Variants in NLK observed in about 807,000 individuals in gnomAD.
The protein encoded by NLK is nemo like kinase.
NLK carries 11 observed loss-of-function variants against 59.0 expected under a neutral mutation model. The observed-to-expected ratio is 0.19, with a 90% CI of 0.12 to 0.31. The LOEUF is 0.31. NLK is among the 10% of genes least tolerant of loss of function. The pLI is 1.00. For synonymous variants in NLK, 235 were observed against 235.9 expected, an observed-to-expected ratio of 1.00 and a Z score of 0.03; for missense variants, 410 against 661.1, an observed-to-expected ratio of 0.62 and a Z score of 4.16.
rs114468971 is a variant in NLK, at chr17:28,189,899, C to T, written c.1237-1122C>T. 1.3e-3 allele frequency among the ~76,000 whole-genome samples: 194 copies of T among 152,302 alleles called. 2 individuals are homozygous for T. Among genetic ancestry groups the T allele is most frequent in the African/African-American group, 4.3e-3 (178 of 41,550 alleles). On this transcript the variant is annotated intron_variant, in intron 8 of 10. Coordinates refer to ENST00000407008, the MANE Select transcript of NLK (RefSeq NM_016231.5). ...TGCCTGTTCCTGGTAGATAAACACC[C>T]GCTTTCTTCTGTGATTATCTTATCT...
At chr17:28,151,559 C>T (rs1907480018) in intron 3 of NLK, among the ~76,000 whole-genome samples, 1 of 152,078 alleles carries the variant, frequency 6.6e-6, no homozygotes, top group Non-Finnish European at 1.5e-5. Context: ...TTAAAATTTT[C>T]CAGTCTTTTA....
intron 1 of NLK, among the ~76,000 whole-genome samples, chr17:28,093,026 C>T (rs2142780263): frequency 6.6e-6 from 1 of 152,178 alleles, no homozygotes; most frequent in Non-Finnish European, 1.5e-5. Flanking sequence ...ATCTCCTGAC[C>T]TCCTGATCCA....
chr17:28,188,980 GACACACACAC>G (rs57423093), intron 8 of NLK, among the ~76,000 whole-genome samples: 5 of 142,536 alleles, frequency 3.5e-5, no homozygotes, highest in African/African-American at 7.7e-5. Context: ...GACAAACACA[GACACACACAC>G]ACACACACAC....
intron 1 of NLK, among the ~76,000 whole-genome samples, chr17:28,122,118 C>A (rs1225062284): frequency 6.6e-6 from 1 of 152,120 alleles, no homozygotes; most frequent in Non-Finnish European, 1.5e-5. Flanking sequence ...ATATTGAAGT[C>A]CATATTACTA....
intron 1 of NLK, among the ~76,000 whole-genome samples, chr17:28,050,469 G>A (rs1909211496): frequency 6.6e-6 from 1 of 152,196 alleles, no homozygotes; most frequent in African/African-American, 2.4e-5. Context: ...TAGCATATCT[G>A]TGGTATTAAG....
At chr17:28,137,506 GACAA>G (rs1381095802) in intron 3 of NLK, among the ~76,000 whole-genome samples, 2 of 152,008 alleles carry the variant, frequency 1.3e-5, no homozygotes, top group Non-Finnish European at 2.9e-5. Context: ...AGTTTTAATA[GACAA>G]ACATTTTAAA....
At chr17:28,106,533 C>G (rs1162924243) in intron 1 of NLK, among the ~76,000 whole-genome samples, 1 of 152,062 alleles carries the variant, frequency 6.6e-6, no homozygotes, top group Non-Finnish European at 1.5e-5. Flanking sequence ...TTCAAATAAA[C>G]AAAAATTTAA....
At chr17:28,199,979 T>C (rs73271124), downstream of NLK, among the ~76,000 whole-genome samples, 3,374 of 152,184 alleles carry the variant, frequency 0.022, 111 homozygotes, top group African/African-American at 0.078. Context: ...GAGAGCTGAA[T>C]TGAGGATAAA....
chr17:28,193,697 T>C (rs1019498874), intron 10 of NLK, among the ~76,000 whole-genome samples: 1 of 152,204 alleles, frequency 6.6e-6, no homozygotes, highest in Non-Finnish European at 1.5e-5. Flanking sequence ...GCCCTTTCCC[T>C]TTAATCATAT....
At chr17:28,045,264 G>A (rs957980690) in intron 1 of NLK, among the ~76,000 whole-genome samples, 1 of 152,178 alleles carries the variant, frequency 6.6e-6, no homozygotes, top group African/African-American at 2.4e-5. Flanking sequence ...GCCCCTTGAG[G>A]GTAAGGATTG....
Position 28,082,491 on chromosome 17 carries a change from C to T in NLK, c.458+39160C>T, listed in dbSNP as rs1471532422. Among the ~76,000 whole-genome samples the T allele has an allele frequency of 4.6e-5, 7 of 152,268 alleles. No individual in the cohort carries two copies. The East Asian group carries it at 1.4e-3, about 29-fold the overall frequency. On this transcript the variant is annotated intron_variant, in intron 1 of 10. Coordinates refer to ENST00000407008, the MANE Select transcript of NLK (RefSeq NM_016231.5). ...TGTGAGTTTCTGCTAATATGTTCATCCCCTTTTTATCAGTTCCCTTTGTCT... is the reference window on the plus strand; with the variant it reads ...TGTGAGTTTCTGCTAATATGTTCATTCCCTTTTTATCAGTTCCCTTTGTCT...
intron 6 of NLK, among the ~76,000 whole-genome samples, chr17:28,171,727 T>A (rs1287770887): frequency 6.6e-6 from 1 of 152,160 alleles, no homozygotes; most frequent in East Asian, 1.9e-4. Flanking sequence ...ATTTGAAGCA[T>A]CAGAATCCAT....
At chr17:28,132,774 T>C in intron 3 of NLK, 99 bp downstream of exon 3, 1 of 1,016,204 alleles carries the variant, frequency 9.8e-7, no homozygotes, top group Non-Finnish European at 1.5e-6. Context: ...ATTTTAAATC[T>C]CATCCTTGCA....
intron 1 of NLK, among the ~76,000 whole-genome samples, chr17:28,082,788 A>G (rs951363382): frequency 2.2e-4 from 34 of 152,330 alleles, no homozygotes; most frequent in Non-Finnish European, 2.4e-4. Context: ...AGGAAATAAC[A>G]TGTTTGTAAT....
intron 2 of NLK, among the ~76,000 whole-genome samples, chr17:28,129,549 C>T (rs748965578): frequency 4.6e-5 from 7 of 152,030 alleles, no homozygotes; most frequent in Non-Finnish European, 1.0e-4. Flanking sequence ...AAGTTATACT[C>T]AGGATTTGTA....
chr17:28,114,385 A>G (rs1024972593), intron 1 of NLK, among the ~76,000 whole-genome samples: 4 of 152,180 alleles, frequency 2.6e-5, no homozygotes, highest in Admixed American at 1.3e-4. Flanking sequence ...ATTGCACTTC[A>G]TCTCAACAAA....
intron 10 of NLK, among the ~76,000 whole-genome samples, chr17:28,192,474 G>A (rs1413347474): frequency 6.6e-6 from 1 of 152,132 alleles, no homozygotes; most frequent in African/African-American, 2.4e-5. Context: ...TTCAAGACCA[G>A]CCTGACTAAC....
At position 28,056,947 on chromosome 17, in the gene NLK, CTTTTT is replaced by C. The variant is rs934652705; in HGVS notation, c.458+13636_458+13640del. 9.2e-5 allele frequency among the ~76,000 whole-genome samples: 8 copies of C among 86,870 alleles called. 1 individual carries two copies. Among genetic ancestry groups the C allele is most frequent in the South Asian group, 7.4e-4 (2 of 2,704 alleles). 57.0% of individuals were successfully genotyped at this position (86,870 alleles called of 152,430 possible). A position where few individuals can be genotyped will look rare whatever the true frequency, so the allele number is the denominator to read the frequency against. On this transcript the variant is annotated intron_variant, in intron 1 of 10. Coordinates refer to ENST00000407008, the MANE Select transcript of NLK (RefSeq NM_016231.5). ...ATTTTGTGACTTCTGCATTACCTAC[CTTTTT>C]TTTTTTTTTTTTTTTTTTTGAGATG...
At chr17:28,113,243 AC>A (rs1269187715) in intron 1 of NLK, among the ~76,000 whole-genome samples, 1 of 152,208 alleles carries the variant, frequency 6.6e-6, no homozygotes, top group Non-Finnish European at 1.5e-5. Flanking sequence ...CAAGTGAGAT[AC>A]AGGACATCAC....
Sources: gnomAD v4.1 joint callset for allele counts (sites outside exome capture counted in the v4.1 genomes callset) on GRCh38, gnomAD v4.1.1 for gene constraint, MANE v1.5 for transcripts, NCBI Gene and HGNC (gene_info 2026-07-23, HGNC 2026-07-21) for gene names.